ANKRD36: variants seen among roughly 807,000 people sequenced by gnomAD.
ANKRD36 encodes the protein ankyrin repeat domain-containing protein 36A.
A neutral mutation model predicts 278.1 loss-of-function variants in ANKRD36; 179 were observed. The ratio of observed to expected loss-of-function variants is 0.64; its 90% CI spans 0.57 to 0.73. The LOEUF (loss-of-function observed/expected upper bound fraction) is 0.73. ANKRD36 is among the 30% of genes least tolerant of loss of function. The pLI is 0.00. For synonymous variants in ANKRD36, 320 were observed against 641.1 expected (o/e 0.50, Z 7.57); for missense variants, 1,159 against 1,956.7 (o/e 0.59, Z 7.69).
At chr2:97,183,703 G>T in intron 28 of ANKRD36, 49 bp downstream of exon 28, 1 of 1,526,184 alleles carries the variant, frequency 6.6e-7, no homozygotes, top group Non-Finnish European at 8.9e-7. Context: ...AGACAGAAGA[G>T]AACGTCCCAC....
chr2:97,213,823 T>C (rs1465068363), intron 60 of ANKRD36, among the ~76,000 whole-genome samples: 4 of 151,786 alleles, frequency 2.6e-5, no homozygotes, highest in African/African-American at 4.8e-5. Context: ...TTCCCCACAT[T>C]GAAATTGGGA....
chr2:97,177,724 C>T (rs918791151), intron 22 of ANKRD36, among the ~76,000 whole-genome samples: 2 of 151,798 alleles, frequency 1.3e-5, no homozygotes, highest in African/African-American at 4.8e-5. Context: ...CATAAAAACC[C>T]TAGAAGAAAA....
rs192509136 is a variant in ANKRD36 at position 97,178,571 on chromosome 2, C to T, written c.1634-1167C>T. On this transcript the variant is annotated intron_variant, in intron 22 of 75. Transcript: ENST00000420699. ...GAAATCATCATTCTCAGTAAACTAT[C>T]GCAAAAACAAAAAACCAAACACCGC... 3.3e-3 allele frequency among the ~76,000 whole-genome samples: 504 copies of T among 150,710 alleles called. 31 individuals carry two copies. The East Asian group carries it at 0.087, about 26-fold the overall frequency.
chr2:97,201,675 G>C (rs1198848343), intron 46 of ANKRD36, among the ~76,000 whole-genome samples: 18 of 151,912 alleles, frequency 1.2e-4, no homozygotes, highest in Non-Finnish European at 2.2e-4. Flanking sequence ...TATCCAAGGT[G>C]ATCAATGTAG....
intron 22 of ANKRD36, among the ~76,000 whole-genome samples, chr2:97,173,009 G>A (rs983141928): frequency 6.7e-5 from 10 of 150,196 alleles, no homozygotes; most frequent in Admixed American, 2.0e-4. Flanking sequence ...TTTTATACCT[G>A]CAAAAAATTA....
chr2:97,178,676 T>G lies in ANKRD36; in HGVS notation c.1634-1062T>G, dbSNP rs200455222. Among the ~76,000 whole-genome samples, 169 of 101,230 alleles carry G rather than the reference T, an allele frequency of 1.7e-3. 5 individuals are homozygous for G. The East Asian group carries it at 0.021, about 13-fold the overall frequency. 66.4% of individuals were successfully genotyped at this position (101,230 alleles called of 152,430 possible). On this transcript the variant is annotated intron_variant, in intron 22 of 75. Transcript: ENST00000420699. ...GGGAATATCACACTCTGGGGACTTTTGTGGGGTGGGGGGAGGGGAGAGGGA... is the reference window on the plus strand; with the variant it reads ...GGGAATATCACACTCTGGGGACTTTGGTGGGGTGGGGGGAGGGGAGAGGGA...
chr2:97,117,929 G>A (rs2035928953), intron 1 of ANKRD36, 135 bp from the exon 2 acceptor site: 31 of 1,263,002 alleles, frequency 2.5e-5, no homozygotes, highest in Non-Finnish European at 3.1e-5. Context: ...TTTCATTAAT[G>A]TGGTGAGTAA....
At chr2:97,216,716 T>C (rs1419351231) in intron 62 of ANKRD36, 4 of 346,608 alleles carry the variant, frequency 1.2e-5, no homozygotes, top group African/African-American at 2.2e-5. Context: ...GTCATTGTAA[T>C]TGTGTACCTT....
chr2:97,116,226 A>G (rs1421554674), intron 1 of ANKRD36, among the ~76,000 whole-genome samples: 1 of 152,142 alleles, frequency 6.6e-6, no homozygotes, highest in Admixed American at 6.6e-5. Context: ...TAAATCTTGC[A>G]AAGAAAAAAT....
chr2:97,209,712 A>G lies in ANKRD36; in HGVS notation c.3294+3A>G, dbSNP rs1330273263. ...CTCGGAAAAAACCAGCCTTGAAGGT[A>G]ATGAAACTCTCATTCATATTGTGAG... On this transcript the variant is annotated splice_donor_region_variant and intron_variant, in intron 55 of 75. Coordinates refer to ENST00000420699, the MANE Select transcript of ANKRD36 (RefSeq NM_001354587.1). 4 of 1,584,260 alleles carry G rather than the reference A, an allele frequency of 2.5e-6. No individual in the cohort carries two copies. The African/African-American group carries it at 4.4e-5, about 17-fold the overall frequency.
rs759388384 is a variant in ANKRD36 at position 97,118,511 on chromosome 2, C to A, written c.480C>A (p.Cys160Ter). 2.5e-6 allele frequency: 4 copies of A among 1,583,994 alleles called. No individual in the cohort carries two copies. In the South Asian group the frequency reaches 3.5e-5, roughly 14 times the overall value. ...LLSHGTNIEECSKCEYQPLLF... is the reference protein window; with the variant it reads ...LLSHGTNIEE ...CACATGGTACAAATATTGAAGAATG[C>A]AGCAAGGTATAGGTCAACCAATGTT... Residue 160 changes from cysteine to a stop codon, truncating the protein, a stop_gained, in exon 3 of 76, where the codon TGC becomes TGA. Coordinates refer to ENST00000420699, the MANE Select transcript of ANKRD36 (RefSeq NM_001354587.1). LOFTEE classifies it high-confidence loss of function.
At chr2:97,190,553 A>G (rs1275709226) in intron 34 of ANKRD36, among the ~76,000 whole-genome samples, 2 of 151,742 alleles carry the variant, frequency 1.3e-5, no homozygotes, top group African/African-American at 2.4e-5. Context: ...GTTAAAGAGC[A>G]TGATGAATGT....
chr2:97,191,109 G>A lies in ANKRD36; in HGVS notation c.2275G>A (p.Ala759Thr), dbSNP rs779465878. The change falls in exon 36 of 76, where the codon GCT (alanine) becomes ACT (threonine). Residue 759 changes from alanine to threonine, a missense_variant and splice_region_variant. By Grantham distance (58) the Ala-to-Thr change is moderately conservative (BLOSUM62 0). Transcript: ENST00000420699. ...VSSQKQPALK[A>T]TTDEKDSVSN... ...TTACTTTCTTTCAAATTCCATTCAG[G>A]CTACAACTGATGAGAAAGATTCTGT... 5.6e-6 allele frequency: 9 copies of A among 1,596,670 alleles called. No individual in the cohort carries two copies. In the East Asian group the frequency reaches 1.8e-4, roughly 33 times the overall value.
chr2:97,209,931 C>G, intron 56 of ANKRD36, 59 bp downstream of exon 56: 1 of 1,528,662 alleles, frequency 6.5e-7, no homozygotes, highest in East Asian at 2.5e-5. Flanking sequence ...AAATTCTCTT[C>G]CCTGAATAAA....
chr2:97,205,906 A>G lies in ANKRD36; in HGVS notation c.3062-34A>G, dbSNP rs1450846851. 1.4e-5 allele frequency: 21 copies of G among 1,534,708 alleles called. 1 individual carries two copies. The South Asian group carries it at 1.7e-4, about 12-fold the overall frequency. On this transcript the variant is annotated intron_variant, in intron 50 of 75. Transcript: ENST00000420699. Reference sequence around the variant, plus strand: ...GTATGGATATCTTTATCATATTTACATATGACTGATTATGAATCACTTTTG... The same window carrying G: ...GTATGGATATCTTTATCATATTTACGTATGACTGATTATGAATCACTTTTG...
intron 42 of ANKRD36, 75 bp from the exon 43 acceptor site, chr2:97,198,388 C>G: frequency 6.5e-7 from 1 of 1,548,824 alleles, no homozygotes; most frequent in South Asian, 1.2e-5. Flanking sequence ...GAGGTTGATG[C>G]TAACACTGTA....
chr2:97,172,247 G>A (rs926142269), intron 22 of ANKRD36, among the ~76,000 whole-genome samples: 3 of 151,804 alleles, frequency 2.0e-5, no homozygotes, highest in Admixed American at 6.6e-5. Flanking sequence ...TTCAGGCAGT[G>A]CACTTAATGA....
At chr2:97,146,206 A>G (rs1169884809) in intron 10 of ANKRD36, among the ~76,000 whole-genome samples, 2 of 151,494 alleles carry the variant, frequency 1.3e-5, no homozygotes, top group African/African-American at 2.4e-5. Flanking sequence ...ACCTCAAGTT[A>G]TCCACCCACC....
intron 1 of ANKRD36, among the ~76,000 whole-genome samples, chr2:97,115,283 A>C (rs2034941914): frequency 6.6e-6 from 1 of 152,148 alleles, no homozygotes; most frequent in Non-Finnish European, 1.5e-5. Context: ...TGGAATGTAG[A>C]TTAAAAATTT....
Sources: allele counts gnomAD v4.1 joint callset (sites outside exome capture counted in the v4.1 genomes callset), GRCh38; gene constraint gnomAD v4.1.1; transcripts MANE v1.5; gene names NCBI Gene and HGNC (gene_info 2026-07-23, HGNC 2026-07-21).